TP63: variants seen among roughly 807,000 people sequenced by gnomAD.
The protein encoded by TP63 is tumor protein 63.
Under a neutral mutation model 82.8 loss-of-function variants are expected in TP63, and 17 were observed. The observed-to-expected ratio is 0.21, with a 90% CI of 0.14 to 0.31. The LOEUF is 0.31. Among genes scored for constraint, TP63 ranks in the 10% least tolerant of loss-of-function variants. The probability of loss-of-function intolerance (pLI) is 1.00; values close to 1 mark genes in which losing one functional copy is unlikely to be tolerated. For missense variants in TP63, 648 were observed against 895.3 expected (o/e 0.72, Z 3.52); for synonymous variants, 330 against 321.7 (o/e 1.03, Z -0.28).
the TP63 span, among the ~76,000 whole-genome samples, chr3:189,624,431 A>T: frequency 6.6e-6 from 1 of 152,184 alleles, no homozygotes. Context: ...TAGATGAATC[A>T]TATGTCAATA....
At chr3:189,845,892 A>C (rs9818301) in intron 4 of TP63, among the ~76,000 whole-genome samples, 3 of 150,988 alleles carry the variant, frequency 2.0e-5, no homozygotes, top group Non-Finnish European at 4.4e-5. Flanking sequence ...CTGGGAGAGG[A>C]TGAAAGAGCT....
chr3:189,815,957 C>A (rs998426897), intron 4 of TP63, among the ~76,000 whole-genome samples: 1 of 152,094 alleles, frequency 6.6e-6, no homozygotes, highest in East Asian at 1.9e-4. Flanking sequence ...ATTTTTATAT[C>A]ATTTTATATT....
chr3:189,700,849 G>C (rs1008998241), intron 1 of TP63, among the ~76,000 whole-genome samples: 4 of 151,978 alleles, frequency 2.6e-5, no homozygotes, highest in African/African-American at 9.7e-5. Context: ...AATATGTTTG[G>C]GATGGGATGG....
chr3:189,697,274 G>T, intron 1 of TP63, among the ~76,000 whole-genome samples: 1 of 135,182 alleles, frequency 7.4e-6, no homozygotes, highest in Admixed American at 7.8e-5. Flanking sequence ...GATTGTTTCA[G>T]CACCATTTGT....
chr3:189,599,200 T>C, the TP63 span, among the ~76,000 whole-genome samples: 1 of 152,248 alleles, frequency 6.6e-6, no homozygotes, highest in Admixed American at 6.5e-5. Context: ...CATTGTTCTG[T>C]TTCTGTTTTC....
intron 4 of TP63, among the ~76,000 whole-genome samples, chr3:189,825,359 T>A (rs907959000): frequency 4.6e-5 from 7 of 152,246 alleles, no homozygotes; most frequent in Non-Finnish European, 1.0e-4. Flanking sequence ...AAAATGGTTA[T>A]CAATATGAAG....
At chr3:189,725,213 C>T (rs1719684700) in intron 1 of TP63, among the ~76,000 whole-genome samples, 1 of 138,844 alleles carries the variant, frequency 7.2e-6, no homozygotes, top group African/African-American at 3.4e-5. Flanking sequence ...ATAATTAAAA[C>T]AGACATAGTA....
Position 189,872,610 on chromosome 3 carries a change from A to G in TP63, c.1213-249A>G, listed in dbSNP as rs546284997. Among the ~76,000 whole-genome samples the G allele has an allele frequency of 1.9e-4, 29 of 152,322 alleles. No individual in the cohort carries two copies. In the South Asian group the frequency reaches 5.0e-3, roughly 26 times the overall value. On this transcript the variant is annotated intron_variant, in intron 9 of 13. Coordinates refer to ENST00000264731, the MANE Select transcript of TP63 (RefSeq NM_003722.5). ...AACGTGGGTTTACGGTATAAGAGCT[A>G]CAAGATGACAGAGCATCTCCTTGTT... is the stretch of plus-strand genomic sequence containing the variant.
At chr3:189,611,022 A>G in the TP63 span, among the ~76,000 whole-genome samples, 2 of 152,166 alleles carry the variant, frequency 1.3e-5, no homozygotes, top group Non-Finnish European at 2.9e-5. Context: ...CCATCATTCA[A>G]TTACCTCCAA....
At chr3:189,605,788 G>A in the TP63 span, among the ~76,000 whole-genome samples, 4 of 152,134 alleles carry the variant, frequency 2.6e-5, no homozygotes, top group East Asian at 3.9e-4. Flanking sequence ...AAAATAAGAA[G>A]TCTTTCAGAC....
chr3:189,808,271 G>T lies in TP63; in HGVS notation c.325-1G>T. On this transcript the variant is annotated splice_acceptor_variant, in intron 3 of 13. Transcript: ENST00000264731. LOFTEE classifies it high-confidence loss of function. Reference sequence around the variant, plus strand: ...ATTGGGGTTTCTGGGTGTCCTTGCAGCCACAGTACACGAACCTGGGGCTCC... The same window carrying T: ...ATTGGGGTTTCTGGGTGTCCTTGCATCCACAGTACACGAACCTGGGGCTCC... 1 of 1,614,194 alleles carries T rather than the reference G, an allele frequency of 6.2e-7. No homozygotes were observed. Among genetic ancestry groups the T allele is most frequent in the Non-Finnish European group, 8.5e-7 (1 of 1,180,044 alleles).
In TP63 at chr3:189,738,773, G is replaced by C. The variant is rs745679197; in HGVS notation, c.323G>C (p.Trp108Ser). The change falls in exon 3 of 14, where the codon TGG (tryptophan) becomes TCG (serine). Residue 108 changes from tryptophan (W) to serine (S), a missense_variant and splice_region_variant. Around this residue, in one of 5 missense-constraint regions of TP63, gnomAD observed 182 missense variants for 213.6 expected, o/e 0.85. Coordinates refer to ENST00000264731, the MANE Select transcript of TP63 (RefSeq NM_003722.5). ...MQDSDLSDPM[W>S]PQYTNLGLLN... ...GACTCGGACCTGAGTGACCCCATGT[G>C]GGTGAGTGGCACAGGCTTTCTCTTC... is the stretch of plus-strand genomic sequence containing the variant. 4.3e-6 allele frequency: 7 copies of C among 1,614,000 alleles called. No homozygotes were observed. The East Asian group carries it at 1.3e-4, about 31-fold the overall frequency.
chr3:189,687,107 G>A (rs1016613944), intron 1 of TP63, among the ~76,000 whole-genome samples: 5 of 152,016 alleles, frequency 3.3e-5, no homozygotes, highest in Admixed American at 6.6e-5. Context: ...TAGCACTCTA[G>A]ATAAGGGAGA....
chr3:189,684,665 T>C (rs1195659319), intron 1 of TP63, among the ~76,000 whole-genome samples: 4 of 150,914 alleles, frequency 2.7e-5, no homozygotes, highest in Non-Finnish European at 5.9e-5. Context: ...AATTTCACTC[T>C]TGTTGCTCAG....
At chr3:189,836,101 GT>G (rs1713116249) in intron 4 of TP63, among the ~76,000 whole-genome samples, 2 of 151,986 alleles carry the variant, frequency 1.3e-5, no homozygotes. Flanking sequence ...AGTATTTGCT[GT>G]TTTCAGGAGA....
chr3:189,786,713 C>T (rs1029328362), intron 3 of TP63, among the ~76,000 whole-genome samples: 65 of 152,032 alleles, frequency 4.3e-4, no homozygotes, highest in Middle Eastern at 3.4e-3. Context: ...TGGAGCTTTA[C>T]GAAGTCTGAG....
intron 1 of TP63, among the ~76,000 whole-genome samples, chr3:189,651,026 T>A (rs1024677989): frequency 6.8e-6 from 1 of 147,060 alleles, no homozygotes; most frequent in African/African-American, 2.6e-5. Flanking sequence ...TGGTCTTAGA[T>A]AGAGATGAGG....
chr3:189,767,003 G>A (rs1358394098), intron 3 of TP63, among the ~76,000 whole-genome samples: 2 of 152,074 alleles, frequency 1.3e-5, no homozygotes, highest in South Asian at 4.1e-4. Context: ...TTTCTTGGCT[G>A]GCACTTTAAA....
chr3:189,773,140 T>C (rs1187292153), intron 3 of TP63, among the ~76,000 whole-genome samples: 2 of 152,218 alleles, frequency 1.3e-5, no homozygotes, highest in Non-Finnish European at 2.9e-5. Flanking sequence ...GTTATCTTGA[T>C]CTTGATGCAA....
Sources: allele counts gnomAD v4.1 joint callset (sites outside exome capture counted in the v4.1 genomes callset), GRCh38; gene constraint gnomAD v4.1.1; regional missense constraint gnomAD v4.1.1; transcripts MANE v1.5; gene names NCBI Gene and HGNC (gene_info 2026-07-23, HGNC 2026-07-21).